Variants in CEP57 observed in about 807,000 individuals in gnomAD.
CEP57 encodes centrosomal protein of 57 kDa.
CEP57 carries 40 observed loss-of-function variants against 68.0 expected under a neutral mutation model. The observed-to-expected ratio is 0.59, with a 90% CI of 0.46 to 0.77. The LOEUF is 0.77. Ranked by LOEUF, CEP57 falls within the 30% of genes least tolerant of loss-of-function variation. The pLI is 0.00. For missense variants in CEP57, 606 were observed against 580.7 expected (o/e 1.04, Z -0.45); for synonymous variants, 219 against 198.7 (o/e 1.10, Z -0.86).
chr11:95,822,623 G>T (rs1295844529), intron 8 of CEP57, 47 bp downstream of exon 8: 1 of 1,455,044 alleles, frequency 6.9e-7, no homozygotes, highest in Non-Finnish European at 9.7e-7. Flanking sequence ...ATTGATCCCT[G>T]AATTAAGTCC....
At chr11:95,810,361 C>A (rs1591062913) in intron 2 of CEP57, among the ~76,000 whole-genome samples, 1 of 152,092 alleles carries the variant, frequency 6.6e-6, no homozygotes, top group African/African-American at 2.4e-5. Context: ...GGCAATCAGG[C>A]AGGAGAAAGA....
intron 1 of CEP57, chr11:95,794,181 G>C: frequency 2.3e-6 from 1 of 443,206 alleles, no homozygotes; most frequent in Non-Finnish European, 4.5e-6. Flanking sequence ...AGTTTGCAAG[G>C]GGCAACTCTA....
chr11:95,806,357 T>C (rs1380586866), intron 2 of CEP57, among the ~76,000 whole-genome samples: 5 of 152,180 alleles, frequency 3.3e-5, no homozygotes, highest in African/African-American at 1.2e-4. Flanking sequence ...GATACCGGGT[T>C]CATCTCACTG....
At chr11:95,795,051 G>T (rs1591043338) in intron 1 of CEP57, among the ~76,000 whole-genome samples, 1 of 152,146 alleles carries the variant, frequency 6.6e-6, no homozygotes, top group Non-Finnish European at 1.5e-5. Flanking sequence ...AGGTGGGGGG[G>T]TCATTTACCT....
At chr11:95,813,655 CTT>C (rs1330521989) in intron 4 of CEP57, 66 bp downstream of exon 4, 53 of 1,589,086 alleles carry the variant, frequency 3.3e-5, no homozygotes, top group Non-Finnish European at 4.4e-5. Flanking sequence ...TGAATAAAGA[CTT>C]TTTTTCTTTC....
chr11:95,814,551 G>T (rs985851586), intron 4 of CEP57, among the ~76,000 whole-genome samples: 4 of 151,756 alleles, frequency 2.6e-5, no homozygotes, highest in African/African-American at 9.7e-5. Flanking sequence ...GTAGAGACAG[G>T]GTTTCACCAT....
chr11:95,807,624 T>G (rs996652837), intron 2 of CEP57, among the ~76,000 whole-genome samples: 1 of 152,000 alleles, frequency 6.6e-6, no homozygotes. Context: ...TATCTGTGAT[T>G]GAAGATCAAA....
rs550305530 is a variant in CEP57, at chr11:95,807,333, G to A, written c.203-5599G>A. Among the ~76,000 whole-genome samples, 5 of 152,294 alleles carry A rather than the reference G, an allele frequency of 3.3e-5. No individual in the cohort carries two copies. In the South Asian group the frequency reaches 1.0e-3, roughly 32 times the overall value. Reference sequence around the variant, plus strand: ...CTCCTCCAAAGGAACACAGCTCCTTGCCAGCAACAGAACAAAGCTTGATGG... The same window carrying A: ...CTCCTCCAAAGGAACACAGCTCCTTACCAGCAACAGAACAAAGCTTGATGG... On this transcript the variant is annotated intron_variant, in intron 2 of 10. Coordinates refer to ENST00000325542, the MANE Select transcript of CEP57 (RefSeq NM_014679.5).
chr11:95,795,138 G>A (rs1390275939), intron 1 of CEP57, among the ~76,000 whole-genome samples: 1 of 152,118 alleles, frequency 6.6e-6, no homozygotes, highest in Non-Finnish European at 1.5e-5. Flanking sequence ...ACCTGCTGTT[G>A]GAATTTTGGT....
intron 1 of CEP57, among the ~76,000 whole-genome samples, chr11:95,791,566 C>T (rs1565306000): frequency 2.0e-5 from 3 of 152,120 alleles, no homozygotes. Flanking sequence ...AGAATAGAAA[C>T]CCTGCTTTGA....
chr11:95,807,124 A>G (rs778908000), intron 2 of CEP57, among the ~76,000 whole-genome samples: 1 of 152,230 alleles, frequency 6.6e-6, no homozygotes, highest in Non-Finnish European at 1.5e-5. Flanking sequence ...ATGGACCTCC[A>G]GCAATCTCCA....
chr11:95,825,402 C>T (rs969036381), intron 8 of CEP57, among the ~76,000 whole-genome samples: 23 of 152,056 alleles, frequency 1.5e-4, no homozygotes, highest in African/African-American at 5.1e-4. Flanking sequence ...TTTCAAGATA[C>T]GAATTTTGGA....
intron 10 of CEP57, 99 bp downstream of exon 10, chr11:95,829,430 A>G: frequency 1.6e-6 from 2 of 1,222,300 alleles, no homozygotes; most frequent in Non-Finnish European, 1.2e-6. Context: ...TCATAGATAA[A>G]TATCTACAGG....
intron 1 of CEP57, among the ~76,000 whole-genome samples, chr11:95,797,529 G>T (rs1255991401): frequency 6.6e-6 from 1 of 152,060 alleles, no homozygotes; most frequent in Non-Finnish European, 1.5e-5. Context: ...TCCAGAAGAT[G>T]CCTTCAAACC....
At chr11:95,812,215 GTATT>G (rs1565321401) in intron 2 of CEP57, among the ~76,000 whole-genome samples, 1 of 151,912 alleles carries the variant, frequency 6.6e-6, no homozygotes, top group African/African-American at 2.4e-5. Flanking sequence ...TTAATAAAAT[GTATT>G]AATAAGTAAT....
rs532653053 is a variant in CEP57 at position 95,831,628 on chromosome 11, A to G, written c.*372A>G. On this transcript the variant is annotated 3_prime_UTR_variant, in exon 11 of 11. Coordinates refer to ENST00000325542, the MANE Select transcript of CEP57 (RefSeq NM_014679.5). ...AATTTTCAAAATATGAGACTATGCTATAGGCAGTGCTTGCTTGAAAAGTCT... is the reference window on the plus strand; with the variant it reads ...AATTTTCAAAATATGAGACTATGCTGTAGGCAGTGCTTGCTTGAAAAGTCT... 52 of 155,714 alleles carry G rather than the reference A, an allele frequency of 3.3e-4. No individual in the cohort carries two copies. The highest frequency in any genetic ancestry group is 5.8e-4 in the African/African-American group (24 of 41,478). The allele number at this position is 155,714 out of a possible 1,614,324, so 9.6% of individuals were successfully genotyped here. A position where few individuals can be genotyped will look rare whatever the true frequency, so the allele number is the denominator to read the frequency against.
intron 2 of CEP57, among the ~76,000 whole-genome samples, chr11:95,801,224 C>G (rs754455336): frequency 2.0e-5 from 3 of 152,028 alleles, no homozygotes; most frequent in Non-Finnish European, 4.4e-5. Flanking sequence ...AAAGTGTTTA[C>G]TGAAATAAAA....
chr11:95,830,566 C>T lies in CEP57; in HGVS notation c.1273-460C>T, dbSNP rs141795849. Among the ~76,000 whole-genome samples the T allele has an allele frequency of 4.7e-3, 709 of 152,186 alleles. 4 individuals carry two copies. The highest frequency in any genetic ancestry group is 7.7e-3 in the Non-Finnish European group (523 of 68,000). On this transcript the variant is annotated intron_variant, in intron 10 of 10. Coordinates refer to ENST00000325542, the MANE Select transcript of CEP57 (RefSeq NM_014679.5). ...ACATTACCAATTACATCTGTTCATC[C>T]ATCTGGAAATTGCTTCTTTGCCTCC...
chr11:95,790,679 C>T lies in CEP57; in HGVS notation c.-20C>T. 1.2e-6 allele frequency: 2 copies of T among 1,613,290 alleles called. No homozygotes were observed. Among genetic ancestry groups the T allele is most frequent in the Non-Finnish European group, 1.7e-6 (2 of 1,179,708 alleles). ...CTAGACCGCCCCCGAAGTGCGGAGA[C>T]CCCCTGGGCAGGCTGAAAGATGGCG... On this transcript the variant is annotated 5_prime_UTR_variant, in exon 1 of 11. Transcript: ENST00000325542.
Sources: gnomAD v4.1 joint callset for allele counts (sites outside exome capture counted in the v4.1 genomes callset) on GRCh38, gnomAD v4.1.1 for gene constraint, MANE v1.5 for transcripts, NCBI Gene and HGNC (gene_info 2026-07-23, HGNC 2026-07-21) for gene names.